Variants in HMCN1 observed in about 807,000 individuals in gnomAD.
HMCN1 encodes hemicentin-1.
In HMCN1, 321 loss-of-function variants were observed where a neutral mutation model predicts 625.9. The ratio of observed to expected loss-of-function variants is 0.51; its 90% CI spans 0.47 to 0.56. HMCN1 has a LOEUF of 0.56. Among genes scored for constraint, HMCN1 ranks in the 20% least tolerant of loss-of-function variants. The pLI, the probability that HMCN1 is intolerant of heterozygous loss-of-function variation, is 0.00. For missense variants in HMCN1, 6,588 were observed against 6,887.3 expected (o/e 0.96, Z 1.54); for synonymous variants, 2,425 against 2,417.6 (o/e 1.00, Z -0.09).
At chr1:185,813,845 C>T (rs1404736169) in intron 1 of HMCN1, among the ~76,000 whole-genome samples, 1 of 152,004 alleles carries the variant, frequency 6.6e-6, no homozygotes, top group African/African-American at 2.4e-5. Context: ...CGTATGCTAA[C>T]AAAATACACA....
intron 1 of HMCN1, among the ~76,000 whole-genome samples, chr1:185,754,880 G>A (rs2200265): frequency 0.016 from 2,399 of 152,130 alleles, 65 homozygotes; most frequent in African/African-American, 0.055. Flanking sequence ...AAAAACAATA[G>A]TTAAGAACAT....
Position 186,076,469 on chromosome 1 carries a change from C to T in HMCN1, c.8332C>T (p.Leu2778=), listed in dbSNP as rs759466170. The T allele has an allele frequency of 6.2e-7, 1 of 1,613,704 alleles. No homozygotes were observed. The highest frequency in any genetic ancestry group is 1.1e-5 in the South Asian group (1 of 91,084). ...FQKLWEIGNM[L]DTGRNGEAKD... ...GAAACTCTGGGAAATAGGAAACATG[C>T]TAGATACTGGCAGGAATGGTGAAGC... The change falls in exon 54 of 107, where the codon CTA becomes TTA. Residue 2778 remains leucine, a synonymous_variant. Transcript: ENST00000271588.
chr1:185,744,153 T>A (rs764905420), intron 1 of HMCN1, among the ~76,000 whole-genome samples: 182 of 150,610 alleles, frequency 1.2e-3, no homozygotes, highest in Non-Finnish European at 2.1e-3. Flanking sequence ...CACACCCAGC[T>A]AATTTTTTTT....
At chr1:186,141,271 GC>G (rs1434838998) in intron 89 of HMCN1, among the ~76,000 whole-genome samples, 1 of 152,132 alleles carries the variant, frequency 6.6e-6, no homozygotes, top group Non-Finnish European at 1.5e-5. Context: ...GCGATCCGTG[GC>G]CCATGGGATT....
chr1:186,150,390 TAGAA>T (rs1434007722), intron 93 of HMCN1, among the ~76,000 whole-genome samples: 1 of 152,218 alleles, frequency 6.6e-6, no homozygotes, highest in Non-Finnish European at 1.5e-5. Context: ...TGTTGAACAA[TAGAA>T]AGAAGGCATA....
intron 1 of HMCN1, among the ~76,000 whole-genome samples, chr1:185,777,061 C>T (rs1656664765): frequency 6.6e-6 from 1 of 152,198 alleles, no homozygotes; most frequent in South Asian, 2.1e-4. Context: ...TAGATCCATA[C>T]AGGACAATAT....
intron 11 of HMCN1, among the ~76,000 whole-genome samples, chr1:185,941,184 G>A (rs1391690578): frequency 1.3e-5 from 2 of 152,104 alleles, no homozygotes; most frequent in African/African-American, 2.4e-5. Flanking sequence ...AGTATGAGAT[G>A]TATTTAAAAA....
rs542026680 is a variant in HMCN1 at position 185,811,940 on chromosome 1, T to G, written c.269-34086T>G. On this transcript the variant is annotated intron_variant, in intron 1 of 106. Transcript: ENST00000271588. ...TGAACTACTGTCTAGGGCATTTTCT[T>G]AAGAATTATGATGTTATAGAAAACT... Among the ~76,000 whole-genome samples, 26 of 152,322 alleles carry G rather than the reference T, an allele frequency of 1.7e-4. No individual in the cohort carries two copies. In the South Asian group the frequency reaches 5.0e-3, roughly 29 times the overall value.
At chr1:185,841,399 A>T (rs930545712) in intron 1 of HMCN1, among the ~76,000 whole-genome samples, 3 of 152,320 alleles carry the variant, frequency 2.0e-5, no homozygotes, top group Admixed American at 6.5e-5. Context: ...TGAATAAACC[A>T]TTTTGGTTAC....
chr1:186,037,538 GTAAGA>G (rs1655916739), intron 36 of HMCN1, among the ~76,000 whole-genome samples: 1 of 152,130 alleles, frequency 6.6e-6, no homozygotes, highest in South Asian at 2.1e-4. Context: ...CAAAGATAAA[GTAAGA>G]TATTTTGAGA....
intron 93 of HMCN1, among the ~76,000 whole-genome samples, chr1:186,150,615 G>A (rs892377256): frequency 1.1e-4 from 16 of 151,996 alleles, no homozygotes; most frequent in Non-Finnish European, 2.9e-5. Context: ...ATTGGCAGTG[G>A]CCTAGAAGCT....
intron 14 of HMCN1, 54 bp downstream of exon 14, chr1:185,965,969 A>T (rs72718866): frequency 0.044 from 47,966 of 1,078,702 alleles, 5,763 homozygotes; most frequent in African/African-American, 0.4. Flanking sequence ...TTTTCTTTTT[A>T]AAAAAAATGA....
At chr1:186,039,408 G>A (rs1457189009) in intron 38 of HMCN1, among the ~76,000 whole-genome samples, 1 of 150,998 alleles carries the variant, frequency 6.6e-6, no homozygotes, top group African/African-American at 2.5e-5. Context: ...TTGTGTTCAT[G>A]TGCACACACA....
chr1:186,114,505 C>T (rs922953172), intron 73 of HMCN1, among the ~76,000 whole-genome samples: 41 of 152,110 alleles, frequency 2.7e-4, no homozygotes, highest in African/African-American at 9.4e-4. Context: ...GTGATCCGCC[C>T]ACCTCAGCCT....
intron 40 of HMCN1, among the ~76,000 whole-genome samples, chr1:186,042,171 AATTGACACGAGTTC>A (rs1656254161): frequency 6.6e-6 from 1 of 152,150 alleles, no homozygotes; most frequent in Non-Finnish European, 1.5e-5. Context: ...TTGCTCCTGC[AATTGACACGAGTTC>A]ACATTCAGCC....
intron 1 of HMCN1, among the ~76,000 whole-genome samples, chr1:185,740,886 T>G (rs1243744737): frequency 3.3e-5 from 5 of 152,006 alleles, no homozygotes; most frequent in African/African-American, 1.2e-4. Flanking sequence ...CTCAGCTTCT[T>G]GGGAGGCTGA....
chr1:186,108,428 G>A, intron 70 of HMCN1, 33 bp from the exon 71 acceptor site: 2 of 1,613,878 alleles, frequency 1.2e-6, no homozygotes, highest in Non-Finnish European at 8.5e-7. Flanking sequence ...TGATAATACA[G>A]ATTGCTTTTG....
At chr1:185,979,291 A>G (rs1651451645) in intron 16 of HMCN1, among the ~76,000 whole-genome samples, 1 of 152,190 alleles carries the variant, frequency 6.6e-6, no homozygotes. Context: ...AGGAAAAGGT[A>G]CATGAAAGTA....
chr1:186,009,831 G>T (rs768094464), intron 30 of HMCN1, among the ~76,000 whole-genome samples: 3 of 152,138 alleles, frequency 2.0e-5, no homozygotes, highest in Non-Finnish European at 2.9e-5. Flanking sequence ...TGTAAACTGT[G>T]GTCCACAGAT....
Sources: allele counts gnomAD v4.1 joint callset (sites outside exome capture counted in the v4.1 genomes callset), GRCh38; gene constraint gnomAD v4.1.1; transcripts MANE v1.5; gene names NCBI Gene and HGNC (gene_info 2026-07-23, HGNC 2026-07-21).